NRXN1: variants seen among roughly 807,000 people sequenced by gnomAD.
NRXN1 encodes the protein neurexin-1.
A neutral mutation model predicts 150.9 loss-of-function variants in NRXN1; 39 were observed. The ratio of observed to expected loss-of-function variants is 0.26; its 90% CI spans 0.20 to 0.34. The LOEUF (loss-of-function observed/expected upper bound fraction) is 0.34, where lower values mean the gene tolerates loss of function less well. Ranked by LOEUF, NRXN1 falls within the 10% of genes least tolerant of loss-of-function variation. The pLI is 1.00. For synonymous variants in NRXN1, 924 were observed against 757.0 expected (o/e 1.22, Z -3.62); for missense variants, 1,815 against 1,949.9 (o/e 0.93, Z 1.30).
chr2:50,281,416 A>T (rs1371782850), intron 17 of NRXN1, among the ~76,000 whole-genome samples: 1 of 152,094 alleles, frequency 6.6e-6, no homozygotes, highest in Non-Finnish European at 1.5e-5. Context: ...TGCTATGGAG[A>T]GCCTTAGTGA....
intron 17 of NRXN1, among the ~76,000 whole-genome samples, chr2:50,380,247 C>T (rs2080852055): frequency 6.6e-6 from 1 of 151,546 alleles, no homozygotes; most frequent in African/African-American, 2.4e-5. Context: ...AAGTGTTTAG[C>T]TTACCACATT....
intron 21 of NRXN1, among the ~76,000 whole-genome samples, chr2:49,998,062 T>C (rs1019431106): frequency 6.6e-6 from 1 of 152,098 alleles, no homozygotes; most frequent in Non-Finnish European, 1.5e-5. Context: ...TGCCATGATG[T>C]TTAGCCATCA....
At chr2:50,639,374 C>G (rs1206805389) in intron 5 of NRXN1, among the ~76,000 whole-genome samples, 1 of 151,864 alleles carries the variant, frequency 6.6e-6, no homozygotes, top group African/African-American at 2.4e-5. Flanking sequence ...ACTCCCACCA[C>G]TAGGCCCAGC....
chr2:50,099,954 G>A (rs896531343), intron 18 of NRXN1, among the ~76,000 whole-genome samples: 3 of 152,038 alleles, frequency 2.0e-5, no homozygotes, highest in Non-Finnish European at 4.4e-5. Context: ...TCAATATTAT[G>A]GTTCTAGGGA....
intron 21 of NRXN1, among the ~76,000 whole-genome samples, chr2:49,971,114 G>A (rs758442261): frequency 6.6e-6 from 1 of 151,930 alleles, no homozygotes; most frequent in African/African-American, 2.4e-5. Flanking sequence ...ATAGACAAAG[G>A]CCTAAAGTAC....
At position 50,108,915 on chromosome 2, in the gene NRXN1, T is replaced by C. The variant is rs187126939; in HGVS notation, c.3547-17421A>G. On this transcript the variant is annotated intron_variant, in intron 18 of 22. Coordinates refer to ENST00000401669, the MANE Select transcript of NRXN1 (RefSeq NM_001330078.2). ...CTTGCTGTAAACCGAAACCACACTG[T>C]TGGATGCAAATATAGCCATTTAAAA... is the stretch of plus-strand genomic sequence containing the variant. 3.3e-5 allele frequency among the ~76,000 whole-genome samples: 5 copies of C among 152,196 alleles called. No individual in the cohort carries two copies. The East Asian group carries it at 9.6e-4, about 29-fold the overall frequency.
At chr2:49,995,955 T>G (rs552484941) in intron 21 of NRXN1, among the ~76,000 whole-genome samples, 1 of 151,314 alleles carries the variant, frequency 6.6e-6, no homozygotes, top group African/African-American at 2.4e-5. Flanking sequence ...ACAGGGTGAT[T>G]TCCAGAAATT....
intron 5 of NRXN1, among the ~76,000 whole-genome samples, chr2:50,683,646 A>AAAAAAAAAAAAAAAATAT: frequency 7.4e-4 from 11 of 14,902 alleles, no homozygotes; most frequent in African/African-American, 2.9e-3. Context: ...AAAAAAAAAA[A>AAAAAAAAAAAAAAAATAT]ATATATATAT....
intron 5 of NRXN1, among the ~76,000 whole-genome samples, chr2:50,801,774 T>C (rs142678664): frequency 1.1e-4 from 16 of 152,320 alleles, no homozygotes; most frequent in African/African-American, 3.6e-4. Flanking sequence ...GGGCACAGAT[T>C]TGGTAAAGCA....
Position 50,497,520 on chromosome 2 carries a change from C to T in NRXN1, c.2692G>A (p.Gly898Ser). 6.2e-7 allele frequency: 1 copy of T among 1,613,840 alleles called. No homozygotes were observed. Among genetic ancestry groups the T allele is most frequent in the Non-Finnish European group, 8.5e-7 (1 of 1,179,860 alleles). ...GGATCTGCTATGATGTTCCTGAAGC[C>T]AAATCTGGCATTAAGCTCACAGTAA... is the stretch of plus-strand genomic sequence containing the variant. ...IDYCELNARF[G>S]FRNIIADPVT... is the part of the protein sequence containing the mutation. The change falls in exon 14 of 23, where the codon GGC becomes AGC. Residue 898 changes from glycine to serine, a missense_variant. By Grantham distance (56) the Gly-to-Ser change is moderately conservative. Transcript: ENST00000401669.
chr2:50,588,507 C>G (rs528366152), intron 8 of NRXN1, among the ~76,000 whole-genome samples: 2 of 152,202 alleles, frequency 1.3e-5, no homozygotes, highest in South Asian at 4.2e-4. Flanking sequence ...TCTGACTCCT[C>G]CGACTTCATC....
At chr2:50,315,889 G>A (rs888688821) in intron 17 of NRXN1, among the ~76,000 whole-genome samples, 1 of 152,078 alleles carries the variant, frequency 6.6e-6, no homozygotes, top group Non-Finnish European at 1.5e-5. Context: ...CATCCTTAGA[G>A]ACAAATGGTA....
At chr2:50,230,309 A>G (rs140117429) in intron 18 of NRXN1, among the ~76,000 whole-genome samples, 3 of 152,210 alleles carry the variant, frequency 2.0e-5, no homozygotes, top group African/African-American at 4.8e-5. Flanking sequence ...AAAAAAGTTA[A>G]TATGTTTCAC....
chr2:50,843,000 T>C (rs901835607), intron 5 of NRXN1, among the ~76,000 whole-genome samples: 3 of 152,186 alleles, frequency 2.0e-5, no homozygotes, highest in Non-Finnish European at 4.4e-5. Flanking sequence ...ATCCAAATCA[T>C]TTACAGATGT....
At chr2:50,651,806 A>T (rs2104563621) in intron 5 of NRXN1, among the ~76,000 whole-genome samples, 1 of 152,196 alleles carries the variant, frequency 6.6e-6, no homozygotes. Flanking sequence ...TGTAATAAAC[A>T]AGGAGCAATT....
At chr2:50,337,075 T>C (rs2077234722) in intron 17 of NRXN1, among the ~76,000 whole-genome samples, 1 of 150,186 alleles carries the variant, frequency 6.7e-6, no homozygotes, top group Non-Finnish European at 1.5e-5. Flanking sequence ...ACTTTCTTTT[T>C]TCTTTTTCTT....
At chr2:50,914,308 A>G (rs1684923611) in intron 5 of NRXN1, among the ~76,000 whole-genome samples, 1 of 151,680 alleles carries the variant, frequency 6.6e-6, no homozygotes, top group African/African-American at 2.4e-5. Flanking sequence ...TTTTAGTGAA[A>G]GATAAGCTAC....
chr2:50,439,948 C>T (rs555060548), intron 17 of NRXN1, among the ~76,000 whole-genome samples: 14 of 152,176 alleles, frequency 9.2e-5, no homozygotes, highest in African/African-American at 3.4e-4. Flanking sequence ...CTACATTAGG[C>T]ACTTTATAAA....
intron 5 of NRXN1, among the ~76,000 whole-genome samples, chr2:50,685,032 A>T (rs868802089): frequency 2.0e-5 from 3 of 152,214 alleles, no homozygotes; most frequent in Admixed American, 6.5e-5. Context: ...GTTTTTCATA[A>T]TATGACTTTC....
Sources: gnomAD v4.1 joint callset for allele counts (sites outside exome capture counted in the v4.1 genomes callset) on GRCh38, gnomAD v4.1.1 for gene constraint, MANE v1.5 for transcripts, NCBI Gene and HGNC (gene_info 2026-07-23, HGNC 2026-07-21) for gene names.